Variants in ATP6V1G2 observed in about 807,000 individuals in gnomAD.
The protein encoded by ATP6V1G2 is V-type proton ATPase subunit G 2.
Under a neutral mutation model 17.8 loss-of-function variants are expected in ATP6V1G2, and 14 were observed. The observed-to-expected ratio is 0.79, with a 90% CI of 0.52 to 1.23. The LOEUF is 1.23. Among genes scored for constraint, ATP6V1G2 ranks in the 50% most tolerant of loss-of-function variants. The pLI is 0.00. For missense variants in ATP6V1G2, 112 were observed against 152.2 expected, an observed-to-expected ratio of 0.74 and a Z score of 1.39; for synonymous variants, 57 against 54.8, an observed-to-expected ratio of 1.04 and a Z score of -0.17.
In ATP6V1G2 at chr6:31,546,343, A is replaced by C. The variant is rs1768988709; in HGVS notation, c.83-134T>G. 7.9e-7 allele frequency: 1 copy of C among 1,272,750 alleles called. No homozygotes were observed. The highest frequency in any genetic ancestry group is 1.1e-6 in the Non-Finnish European group (1 of 900,892). The allele number at this position is 1,272,750 out of a possible 1,614,324, so 78.8% of individuals were successfully genotyped here. A position where few individuals can be genotyped will look rare whatever the true frequency, so the allele number is the denominator to read the frequency against. On this transcript the variant is annotated intron_variant, in intron 1 of 2. Coordinates refer to ENST00000303892, the MANE Select transcript of ATP6V1G2 (RefSeq NM_130463.4). The surrounding 1 kb of genome is among the most constrained non-coding windows in gnomAD (Gnocchi z 4.1). ...AGGTGCCAGATTCTAATATCCATCC[A>C]TTTCTTCCCTCCTAACCAGCCTCCA...
rs760176618 is a variant in ATP6V1G2 at position 31,544,533 on chromosome 6, T to C, written c.*875A>G. The C allele has an allele frequency of 2.6e-4, 78 of 305,652 alleles. No homozygotes were observed. Among genetic ancestry groups the C allele is most frequent in the Non-Finnish European group, 4.3e-4 (65 of 150,848 alleles). 18.9% of individuals were successfully genotyped at this position (305,652 alleles called of 1,614,324 possible). On this transcript the variant is annotated 3_prime_UTR_variant, in exon 3 of 3. Coordinates refer to ENST00000303892, the MANE Select transcript of ATP6V1G2 (RefSeq NM_130463.4). ...ATGGGAAAGTAAGGTGTCAAGGATA[T>C]AGAAAGGAAGGGCATGCATATGAGG...
At position 31,545,924 on chromosome 6, in the gene ATP6V1G2, C is replaced by T. The variant is rs1768947212; in HGVS notation, c.183+185G>A. On this transcript the variant is annotated intron_variant, in intron 2 of 2. Transcript: ENST00000303892. This position sits in a 1 kb window ranked among gnomAD's most constrained non-coding sequence, Gnocchi z 4.9. The stretch of plus-strand genomic sequence containing the variant: ...ATTCCGCCCACAAGCTCTATGTGGC[C>T]TTCAAAACTCCCAGACTCTCCTACA... 3 of 646,422 alleles carry T rather than the reference C, an allele frequency of 4.6e-6. No individual in the cohort carries two copies. The highest frequency in any genetic ancestry group is 8.2e-6 in the Non-Finnish European group (3 of 365,136). 40.0% of individuals were successfully genotyped at this position (646,422 alleles called of 1,614,324 possible). A position where few individuals can be genotyped will look rare whatever the true frequency, so the allele number is the denominator to read the frequency against.
Position 31,545,029 on chromosome 6 carries a change from A to G in ATP6V1G2, c.*379T>C. 3 of 385,370 alleles carry G rather than the reference A, an allele frequency of 7.8e-6. No homozygotes were observed. The highest frequency in any genetic ancestry group is 9.7e-6 in the Non-Finnish European group (2 of 205,548). The allele number at this position is 385,370 out of a possible 1,614,324, so 23.9% of individuals were successfully genotyped here. A position where few individuals can be genotyped will look rare whatever the true frequency, so the allele number is the denominator to read the frequency against. On this transcript the variant is annotated 3_prime_UTR_variant, in exon 3 of 3. Coordinates refer to ENST00000303892, the MANE Select transcript of ATP6V1G2 (RefSeq NM_130463.4). The surrounding 1 kb of genome is among the most constrained non-coding windows in gnomAD (Gnocchi z 4.9). ...TATCATCCCAGTTTCACAGAGGAGG[A>G]CATCGAGGCTACCAAGTTAAGTAGC...
chr6:31,546,359 C>A lies in ATP6V1G2; in HGVS notation c.82+119G>T. 7.9e-7 allele frequency: 1 copy of A among 1,258,752 alleles called. No homozygotes were observed. Among genetic ancestry groups the A allele is most frequent in the Non-Finnish European group, 1.1e-6 (1 of 911,832 alleles). 78.0% of individuals were successfully genotyped at this position (1,258,752 alleles called of 1,614,324 possible). Reference sequence around the variant, plus strand: ...TATCCATCCATTTCTTCCCTCCTAACCAGCCTCCAGACCCTAGCTGTCTGT... The same window carrying A: ...TATCCATCCATTTCTTCCCTCCTAAACAGCCTCCAGACCCTAGCTGTCTGT... On this transcript the variant is annotated intron_variant, in intron 1 of 2. Transcript: ENST00000303892. The surrounding 1 kb of genome is among the most constrained non-coding windows in gnomAD (Gnocchi z 4.1).
At position 31,544,471 on chromosome 6, in the gene ATP6V1G2, C is replaced by A; in HGVS notation, c.*937G>T. 4.0e-6 allele frequency: 1 copy of A among 246,924 alleles called. No homozygotes were observed. Among genetic ancestry groups the A allele is most frequent in the Non-Finnish European group, 8.2e-6 (1 of 121,626 alleles). 15.3% of individuals were successfully genotyped at this position (246,924 alleles called of 1,614,324 possible). ...TGCTTCAACTCACCAATTTATTTGCCAATAATTATTTTATTGATACTTTTT... is the reference window on the plus strand; with the variant it reads ...TGCTTCAACTCACCAATTTATTTGCAAATAATTATTTTATTGATACTTTTT... On this transcript the variant is annotated 3_prime_UTR_variant, in exon 3 of 3. Transcript: ENST00000303892.
In ATP6V1G2 at chr6:31,544,830, C is replaced by G. The variant is rs1562437326; in HGVS notation, c.*578G>C. 2.2e-6 allele frequency: 1 copy of G among 453,372 alleles called. No homozygotes were observed. Among genetic ancestry groups the G allele is most frequent in the Non-Finnish European group, 4.4e-6 (1 of 225,470 alleles). 28.1% of individuals were successfully genotyped at this position (453,372 alleles called of 1,614,324 possible). ...AGAATGAACAAGTGGAATTAGAGAGCCAGTGATGGACGTGAGGAAACAGCT... is the reference window on the plus strand; with the variant it reads ...AGAATGAACAAGTGGAATTAGAGAGGCAGTGATGGACGTGAGGAAACAGCT... On this transcript the variant is annotated 3_prime_UTR_variant, in exon 3 of 3. Coordinates refer to ENST00000303892, the MANE Select transcript of ATP6V1G2 (RefSeq NM_130463.4).
In ATP6V1G2 at chr6:31,545,643, G is replaced by A. The variant is rs1768919408; in HGVS notation, c.184-62C>T. On this transcript the variant is annotated intron_variant, in intron 2 of 2. Transcript: ENST00000303892. This position sits in a 1 kb window ranked among gnomAD's most constrained non-coding sequence, Gnocchi z 4.9. The stretch of plus-strand genomic sequence containing the variant: ...AAAAGCAGAAACAGACAAGGGTCCA[G>A]GCATATGAGGGGAAAGATCCTGAAA... 1.3e-6 allele frequency: 2 copies of A among 1,526,054 alleles called. No homozygotes were observed. The highest frequency in any genetic ancestry group is 2.3e-5 in the East Asian group (1 of 44,006). The allele number at this position is 1,526,054 out of a possible 1,614,324, so 94.5% of individuals were successfully genotyped here.
Position 31,545,661 on chromosome 6 carries a change from T to G in ATP6V1G2, c.184-80A>C. On this transcript the variant is annotated intron_variant, in intron 2 of 2. Transcript: ENST00000303892. The surrounding 1 kb of genome is among the most constrained non-coding windows in gnomAD (Gnocchi z 4.9). Reference sequence around the variant, plus strand: ...GGGTCCAGGCATATGAGGGGAAAGATCCTGAAACAAAGCCTAGAAGAAAGG... The same window carrying G: ...GGGTCCAGGCATATGAGGGGAAAGAGCCTGAAACAAAGCCTAGAAGAAAGG... 6.9e-7 allele frequency: 1 copy of G among 1,458,940 alleles called. No individual in the cohort carries two copies. Among genetic ancestry groups the G allele is most frequent in the Non-Finnish European group, 9.2e-7 (1 of 1,087,642 alleles). The allele number at this position is 1,458,940 out of a possible 1,614,324, so 90.4% of individuals were successfully genotyped here. A position where few individuals can be genotyped will look rare whatever the true frequency, so the allele number is the denominator to read the frequency against.
Position 31,545,322 on chromosome 6 carries a change from A to G in ATP6V1G2, c.*86T>C, listed in dbSNP as rs1267333912. ...AGGATTTCTAGGGGATGGAAAGAAGACAGGGATTATGGTGGGAGGTGATTT... is the reference window on the plus strand; with the variant it reads ...AGGATTTCTAGGGGATGGAAAGAAGGCAGGGATTATGGTGGGAGGTGATTT... On this transcript the variant is annotated 3_prime_UTR_variant, in exon 3 of 3. Transcript: ENST00000303892. This position sits in a 1 kb window ranked among gnomAD's most constrained non-coding sequence, Gnocchi z 4.9. The G allele has an allele frequency of 1.0e-5, 15 of 1,445,180 alleles. No homozygotes were observed. The highest frequency in any genetic ancestry group is 1.4e-5 in the African/African-American group (1 of 71,070). 89.5% of individuals were successfully genotyped at this position (1,445,180 alleles called of 1,614,324 possible). A position where few individuals can be genotyped will look rare whatever the true frequency, so the allele number is the denominator to read the frequency against.
In ATP6V1G2 at chr6:31,546,594, G is replaced by A; in HGVS notation, c.-35C>T. ...TATGGCCGATGCTGTTTTGAATGCT[G>A]TCAAAGTACCAGATGGCTCCCACCC... On this transcript the variant is annotated 5_prime_UTR_variant, in exon 1 of 3. Transcript: ENST00000303892. The surrounding 1 kb of genome is among the most constrained non-coding windows in gnomAD (Gnocchi z 4.1). 1 of 1,594,734 alleles carries A rather than the reference G, an allele frequency of 6.3e-7. No individual in the cohort carries two copies. Among genetic ancestry groups the A allele is most frequent in the Non-Finnish European group, 8.6e-7 (1 of 1,164,806 alleles).
Position 31,545,327 on chromosome 6 carries a change from G to A in ATP6V1G2, c.*81C>T. On this transcript the variant is annotated 3_prime_UTR_variant, in exon 3 of 3. Coordinates refer to ENST00000303892, the MANE Select transcript of ATP6V1G2 (RefSeq NM_130463.4). The surrounding 1 kb of genome is among the most constrained non-coding windows in gnomAD (Gnocchi z 4.9). ...TTCTAGGGGATGGAAAGAAGACAGG[G>A]ATTATGGTGGGAGGTGATTTTGATT... The A allele has an allele frequency of 6.8e-7, 1 of 1,476,188 alleles. No individual in the cohort carries two copies. The highest frequency in any genetic ancestry group is 9.2e-7 in the Non-Finnish European group (1 of 1,087,162). The allele number at this position is 1,476,188 out of a possible 1,614,324, so 91.4% of individuals were successfully genotyped here. A position where few individuals can be genotyped will look rare whatever the true frequency, so the allele number is the denominator to read the frequency against.
rs571029561 is a variant in ATP6V1G2 at position 31,544,542 on chromosome 6, A to G, written c.*866T>C. 2.5e-5 allele frequency: 8 copies of G among 317,932 alleles called. No individual in the cohort carries two copies. The highest frequency in any genetic ancestry group is 1.5e-4 in the African/African-American group (7 of 46,500). The allele number at this position is 317,932 out of a possible 1,614,324, so 19.7% of individuals were successfully genotyped here. A position where few individuals can be genotyped will look rare whatever the true frequency, so the allele number is the denominator to read the frequency against. On this transcript the variant is annotated 3_prime_UTR_variant, in exon 3 of 3. Transcript: ENST00000303892. ...TAAGGTGTCAAGGATATAGAAAGGA[A>G]GGGCATGCATATGAGGGAACACAGT...
chr6:31,545,193 G>T lies in ATP6V1G2; in HGVS notation c.*215C>A. ...CAGAGGGTTTAGGTGAGAATGACTT[G>T]GAAGTTTACAAAGTCCCAGTGAGGG... is the stretch of plus-strand genomic sequence containing the variant. On this transcript the variant is annotated 3_prime_UTR_variant, in exon 3 of 3. Coordinates refer to ENST00000303892, the MANE Select transcript of ATP6V1G2 (RefSeq NM_130463.4). This position sits in a 1 kb window ranked among gnomAD's most constrained non-coding sequence, Gnocchi z 4.9. 1.6e-6 allele frequency: 1 copy of T among 633,442 alleles called. No individual in the cohort carries two copies. The highest frequency in any genetic ancestry group is 2.7e-6 in the Non-Finnish European group (1 of 371,686). 39.2% of individuals were successfully genotyped at this position (633,442 alleles called of 1,614,324 possible).
upstream of ATP6V1G2, chr6:31,546,620 C>G (rs1427224563): frequency 4.7e-6 from 7 of 1,492,690 alleles, no homozygotes; most frequent in Middle Eastern, 2.0e-4. The surrounding 1 kb of genome is among the most constrained non-coding windows in gnomAD (Gnocchi z 4.1). Context: ...GCTCCCACCC[C>G]CCACCGCTTA....
upstream of ATP6V1G2, chr6:31,546,650 T>TTGC: frequency 8.3e-7 from 1 of 1,204,894 alleles, no homozygotes; most frequent in Middle Eastern, 2.6e-4. The surrounding 1 kb of genome is among the most constrained non-coding windows in gnomAD (Gnocchi z 4.1). Flanking sequence ...CTCCAGCTCG[T>TTGC]TGCTGCAGTC....
chr6:31,546,016 A>G lies in ATP6V1G2; in HGVS notation c.183+93T>C. On this transcript the variant is annotated intron_variant, in intron 2 of 2. Transcript: ENST00000303892. This position sits in a 1 kb window ranked among gnomAD's most constrained non-coding sequence, Gnocchi z 4.1. ...GTCCCCTCAGCCTCAGCCCTCTGCC[A>G]CCATATTTTCTTGTTGAGTCACCCT... 1 of 1,271,112 alleles carries G rather than the reference A, an allele frequency of 7.9e-7. No individual in the cohort carries two copies. The allele number at this position is 1,271,112 out of a possible 1,614,324, so 78.7% of individuals were successfully genotyped here.
Position 31,545,551 on chromosome 6 carries a change from C to G in ATP6V1G2, c.214G>C (p.Glu72Gln). Residue 72 changes from glutamate to glutamine, a missense_variant, in exon 3 of 3, where the codon GAG becomes CAG. Physicochemically the swap from Glu to Gln is conservative, Grantham distance 29 (BLOSUM62 2). Coordinates refer to ENST00000303892, the MANE Select transcript of ATP6V1G2 (RefSeq NM_130463.4). The surrounding 1 kb of genome is among the most constrained non-coding windows in gnomAD (Gnocchi z 4.9). Reference protein sequence around the residue: ...AMGSQGNLSAEVEQATRRQVQ... With the variant: ...AMGSQGNLSAQVEQATRRQVQ... ...TGGCGCCTTGTAGCCTGCTCCACCT[C>G]AGCAGACAGGTTCCCCTGGGAGCCC... 1 of 1,614,006 alleles carries G rather than the reference C, an allele frequency of 6.2e-7. No homozygotes were observed. The highest frequency in any genetic ancestry group is 8.5e-7 in the Non-Finnish European group (1 of 1,179,982).
chr6:31,545,175 T>G lies in ATP6V1G2; in HGVS notation c.*233A>C. 1 of 603,050 alleles carries G rather than the reference T, an allele frequency of 1.7e-6. No individual in the cohort carries two copies. The highest frequency in any genetic ancestry group is 2.1e-5 in the South Asian group (1 of 46,676). 37.4% of individuals were successfully genotyped at this position (603,050 alleles called of 1,614,324 possible). A position where few individuals can be genotyped will look rare whatever the true frequency, so the allele number is the denominator to read the frequency against. ...CCCATATTACAAATTTCACAGAGGGTTTAGGTGAGAATGACTTGGAAGTTT... is the reference window on the plus strand; with the variant it reads ...CCCATATTACAAATTTCACAGAGGGGTTAGGTGAGAATGACTTGGAAGTTT... On this transcript the variant is annotated 3_prime_UTR_variant, in exon 3 of 3. Coordinates refer to ENST00000303892, the MANE Select transcript of ATP6V1G2 (RefSeq NM_130463.4). This position sits in a 1 kb window ranked among gnomAD's most constrained non-coding sequence, Gnocchi z 4.9.
chr6:31,545,968 C>T lies in ATP6V1G2; in HGVS notation c.183+141G>A, dbSNP rs1223027554. The T allele has an allele frequency of 2.5e-6, 2 of 796,208 alleles. No homozygotes were observed. Among genetic ancestry groups the T allele is most frequent in the African/African-American group, 1.7e-5 (1 of 59,088 alleles). The allele number at this position is 796,208 out of a possible 1,614,324, so 49.3% of individuals were successfully genotyped here. A position where few individuals can be genotyped will look rare whatever the true frequency, so the allele number is the denominator to read the frequency against. ...TCCTACATATCATCACAAAGTTTCACCAATGTTGTGGTCCCTGCCAGGGTC... is the reference window on the plus strand; with the variant it reads ...TCCTACATATCATCACAAAGTTTCATCAATGTTGTGGTCCCTGCCAGGGTC... On this transcript the variant is annotated intron_variant, in intron 2 of 2. Transcript: ENST00000303892. This position sits in a 1 kb window ranked among gnomAD's most constrained non-coding sequence, Gnocchi z 4.9.
Sources: allele counts gnomAD v4.1 joint callset, GRCh38; gene constraint gnomAD v4.1.1; non-coding constraint Gnocchi (gnomAD v3.1); transcripts MANE v1.5; gene names NCBI Gene and HGNC (gene_info 2026-07-23, HGNC 2026-07-21).